Variants in ADAMTS16 observed in about 807,000 individuals in gnomAD.
The protein encoded by ADAMTS16 is A disintegrin and metalloproteinase with thrombospondin motifs 16.
ADAMTS16 carries 94 observed loss-of-function variants against 145.8 expected under a neutral mutation model. That is an observed-to-expected ratio of 0.64 (90% CI 0.55 to 0.77). The LOEUF is 0.77. Among genes scored for constraint, ADAMTS16 ranks in the 30% least tolerant of loss-of-function variants. The pLI, the probability that ADAMTS16 is intolerant of heterozygous loss-of-function variation, is 0.00. For synonymous variants in ADAMTS16, 659 were observed against 604.3 expected (o/e 1.09, Z -1.33); for missense variants, 1,585 against 1,591.5 (o/e 1.00, Z 0.07).
chr5:5,214,849 A>G (rs1345809817), intron 10 of ADAMTS16, among the ~76,000 whole-genome samples: 2 of 152,228 alleles, frequency 1.3e-5, no homozygotes, highest in Non-Finnish European at 2.9e-5. Context: ...TTTAAACTAT[A>G]AAACTTATTT....
chr5:5,169,332 C>G (rs1329045955), intron 3 of ADAMTS16, among the ~76,000 whole-genome samples: 1 of 152,196 alleles, frequency 6.6e-6, no homozygotes, highest in East Asian at 1.9e-4. Flanking sequence ...CAGAAGGCCC[C>G]TCCAGTTTTG....
At chr5:5,278,461 C>T (rs1579372415) in intron 18 of ADAMTS16, among the ~76,000 whole-genome samples, 3 of 152,198 alleles carry the variant, frequency 2.0e-5, no homozygotes, top group African/African-American at 4.8e-5. Context: ...TACTCATTGT[C>T]ATCACTCCTT....
rs114921948 is a variant in ADAMTS16, at chr5:5,305,646, A to T, written c.3187-858A>T. On this transcript the variant is annotated intron_variant, in intron 20 of 22. Transcript: ENST00000274181. ...TCTCCATCTTCGATCAGGATGCACA[A>T]AAAGCACACCTGTAAGCCTAAAGAT... 1.8e-3 allele frequency among the ~76,000 whole-genome samples: 269 copies of T among 152,314 alleles called. 2 individuals are homozygous for T. The highest frequency in any genetic ancestry group is 6.1e-3 in the African/African-American group (254 of 41,570).
chr5:5,249,462 G>A (rs4702251), intron 17 of ADAMTS16, among the ~76,000 whole-genome samples: 33,232 of 151,884 alleles, frequency 0.22, 3,882 homozygotes, highest in East Asian at 0.26. Flanking sequence ...GGGGTGACTC[G>A]TTTACTCAGC....
At chr5:5,229,159 G>A (rs987989446) in intron 11 of ADAMTS16, among the ~76,000 whole-genome samples, 31 of 151,546 alleles carry the variant, frequency 2.0e-4, no homozygotes, top group African/African-American at 5.6e-4. Context: ...TTAGCCGGGC[G>A]CGGTGGCGGG....
At position 5,242,126 on chromosome 5, in the gene ADAMTS16, C is replaced by A. The variant is rs376759527; in HGVS notation, c.2597C>A (p.Pro866His). The change falls in exon 17 of 23, where the codon CCC (proline) becomes CAC (histidine). Residue 866 changes from proline (P) to histidine (H), a missense_variant. By Grantham distance (77) the Pro-to-His change is moderately conservative. Coordinates refer to ENST00000274181, the MANE Select transcript of ADAMTS16 (RefSeq NM_139056.4). Reference sequence around the variant, plus strand: ...CCTCGCTTGGGGACCGAGAAGCAGCCCCCTGCCCAGCCCAGCTACACTTGG... The same window carrying A: ...CCTCGCTTGGGGACCGAGAAGCAGCACCCTGCCCAGCCCAGCTACACTTGG... ...SMPRLGTEKQPPAQPSYTWAI... is the reference protein window; with the variant it reads ...SMPRLGTEKQHPAQPSYTWAI... The A allele has an allele frequency of 8.1e-6, 13 of 1,614,166 alleles. No homozygotes were observed. In the African/African-American group the frequency reaches 1.5e-4, roughly 18 times the overall value.
chr5:5,183,479 T>A (rs1330844016), intron 4 of ADAMTS16, among the ~76,000 whole-genome samples: 2 of 152,166 alleles, frequency 1.3e-5, no homozygotes, highest in African/African-American at 4.8e-5. Flanking sequence ...ACAAATTCCG[T>A]ATGCCAGGGA....
chr5:5,287,363 A>G (rs1739141859), intron 18 of ADAMTS16, among the ~76,000 whole-genome samples: 1 of 152,208 alleles, frequency 6.6e-6, no homozygotes, highest in African/African-American at 2.4e-5. Flanking sequence ...TAAAAATTCA[A>G]ATCCTATGTG....
intron 19 of ADAMTS16, 48 bp downstream of exon 19, chr5:5,303,517 T>A: frequency 1.9e-6 from 3 of 1,608,228 alleles, no homozygotes; most frequent in Non-Finnish European, 2.6e-6. Context: ...CCCTGCATGA[T>A]CTGCTGTGTT....
intron 20 of ADAMTS16, among the ~76,000 whole-genome samples, chr5:5,305,752 G>A (rs563887353): frequency 6.6e-6 from 1 of 152,340 alleles, no homozygotes; most frequent in African/African-American, 2.4e-5. Flanking sequence ...TCAGCCAGAG[G>A]TCCACTGGAG....
intron 18 of ADAMTS16, among the ~76,000 whole-genome samples, chr5:5,277,484 A>G (rs1048784757): frequency 2.6e-5 from 4 of 152,188 alleles, no homozygotes; most frequent in East Asian, 1.9e-4. Flanking sequence ...TGCAGTCATC[A>G]TAAAGGAAGA....
intron 18 of ADAMTS16, among the ~76,000 whole-genome samples, chr5:5,277,087 G>A (rs1383981785): frequency 6.6e-6 from 1 of 152,174 alleles, no homozygotes; most frequent in East Asian, 1.9e-4. Flanking sequence ...CTATGAAGAT[G>A]TCACTAATTT....
At chr5:5,288,371 C>T (rs1252454792) in intron 18 of ADAMTS16, among the ~76,000 whole-genome samples, 1 of 152,118 alleles carries the variant, frequency 6.6e-6, no homozygotes, top group Non-Finnish European at 1.5e-5. Context: ...TAGGCTTTCC[C>T]TAGAATGCCA....
intron 6 of ADAMTS16, among the ~76,000 whole-genome samples, chr5:5,189,291 C>G (rs1429241514): frequency 6.6e-6 from 1 of 152,152 alleles, no homozygotes; most frequent in Admixed American, 6.5e-5. Flanking sequence ...TTCTGTGTCT[C>G]GAATTCTTCC....
At chr5:5,291,187 G>A (rs1739298732) in intron 18 of ADAMTS16, among the ~76,000 whole-genome samples, 1 of 151,742 alleles carries the variant, frequency 6.6e-6, no homozygotes, top group African/African-American at 2.4e-5. Context: ...TAATGTCTGT[G>A]TCTCTGTGAT....
At chr5:5,295,659 G>A (rs781540407) in intron 18 of ADAMTS16, among the ~76,000 whole-genome samples, 14 of 152,212 alleles carry the variant, frequency 9.2e-5, no homozygotes, top group Non-Finnish European at 1.9e-4. Context: ...TAACAAGGCT[G>A]GAAGTAAACC....
chr5:5,185,554 A>G (rs889092020), intron 4 of ADAMTS16, among the ~76,000 whole-genome samples: 56 of 152,246 alleles, frequency 3.7e-4, no homozygotes, highest in African/African-American at 1.4e-3. Flanking sequence ...TTTATAATCT[A>G]TTGGAAACAG....
chr5:5,281,167 G>A (rs1738891874), intron 18 of ADAMTS16, among the ~76,000 whole-genome samples: 1 of 152,180 alleles, frequency 6.6e-6, no homozygotes, highest in Admixed American at 6.5e-5. Flanking sequence ...GAAAGCTGAA[G>A]CTTTAAGGCT....
intron 20 of ADAMTS16, among the ~76,000 whole-genome samples, chr5:5,305,992 G>A (rs556451556): frequency 1.3e-5 from 2 of 152,322 alleles, no homozygotes; most frequent in Admixed American, 6.5e-5. Context: ...CTTAGAGCCT[G>A]CCTTAGTGGA....
Sources: allele counts gnomAD v4.1 joint callset (sites outside exome capture counted in the v4.1 genomes callset), GRCh38; gene constraint gnomAD v4.1.1; transcripts MANE v1.5; gene names NCBI Gene and HGNC (gene_info 2026-07-23, HGNC 2026-07-21).